RALGPS1: variants seen among roughly 807,000 people sequenced by gnomAD.
RALGPS1 encodes the protein Ral GEF with PH domain and SH3 binding motif 1, also known as ras-specific guanine nucleotide-releasing factor RalGPS1.
RALGPS1 carries 19 observed loss-of-function variants against 78.8 expected under a neutral mutation model. The observed-to-expected ratio is 0.24, with a 90% CI of 0.17 to 0.35. The LOEUF (loss-of-function observed/expected upper bound fraction) is 0.35, where lower values mean the gene tolerates loss of function less well. Ranked by LOEUF, RALGPS1 falls within the 10% of genes least tolerant of loss-of-function variation. RALGPS1 has a pLI of 1.00. For missense variants in RALGPS1, 454 were observed against 688.3 expected (o/e 0.66, Z 3.81); for synonymous variants, 228 against 256.3 (o/e 0.89, Z 1.06).
chr9:127,081,379 G>A (rs1263503010), intron 8 of RALGPS1, among the ~76,000 whole-genome samples: 1 of 152,158 alleles, frequency 6.6e-6, no homozygotes, highest in African/African-American at 2.4e-5. Flanking sequence ...ATCTCCCTGT[G>A]TTCCTACCAC....
chr9:126,919,202 T>C (rs2034500175), intron 1 of RALGPS1, among the ~76,000 whole-genome samples: 1 of 152,180 alleles, frequency 6.6e-6, no homozygotes, highest in Non-Finnish European at 1.5e-5. Context: ...AATGTGTCAG[T>C]TAGTATATAC....
At chr9:127,107,727 T>C (rs1270798182) in intron 8 of RALGPS1, among the ~76,000 whole-genome samples, 1 of 152,172 alleles carries the variant, frequency 6.6e-6, no homozygotes, top group Non-Finnish European at 1.5e-5. Flanking sequence ...ATCTAAGGAA[T>C]GTGGTTCCCC....
At chr9:127,132,265 G>A (rs758779966) in intron 8 of RALGPS1, among the ~76,000 whole-genome samples, 3 of 152,000 alleles carry the variant, frequency 2.0e-5, no homozygotes, top group Non-Finnish European at 4.4e-5. Context: ...AACTTCATTC[G>A]ACTGATTTCA....
intron 11 of RALGPS1, among the ~76,000 whole-genome samples, chr9:127,187,697 C>G (rs976240183): frequency 1.3e-5 from 2 of 152,170 alleles, no homozygotes; most frequent in Admixed American, 6.5e-5. Flanking sequence ...GACTGTAATC[C>G]CTCGCGCATG....
At chr9:127,020,467 T>G (rs2134150996) in intron 4 of RALGPS1, among the ~76,000 whole-genome samples, 1 of 152,318 alleles carries the variant, frequency 6.6e-6, no homozygotes. Context: ...AAGTTAGAGA[T>G]TGCAGAAAAC....
chr9:127,196,533 CAAGGCACCT>C lies in RALGPS1; in HGVS notation c.1099_1107del (p.Arg367_Leu369del). 1 of 1,614,180 alleles carries C rather than the reference CAAGGCACCT, an allele frequency of 6.2e-7. No individual in the cohort carries two copies. The highest frequency in any genetic ancestry group is 8.5e-7 in the Non-Finnish European group (1 of 1,179,984). On this transcript the variant is annotated inframe_deletion, in exon 13 of 19. Coordinates refer to ENST00000259351, the MANE Select transcript of RALGPS1 (RefSeq NM_014636.3). ...AGTGCGACATTCCCATCGGAGAAAGCAAGGCACCTACTGGACGACAGTGTCCTAGAGTCC... is the reference window on the plus strand; with the variant it reads ...AGTGCGACATTCCCATCGGAGAAAGCACTGGACGACAGTGTCCTAGAGTCC...
At chr9:127,210,628 C>G in intron 14 of RALGPS1, 1 of 1,256,442 alleles carries the variant, frequency 8.0e-7, no homozygotes, top group Non-Finnish European at 1.1e-6. Context: ...TCGGGGTGCT[C>G]TTGCCTCCTT....
intron 1 of RALGPS1, among the ~76,000 whole-genome samples, chr9:126,919,094 ATATT>A (rs1161657944): frequency 6.6e-6 from 1 of 152,102 alleles, no homozygotes; most frequent in Non-Finnish European, 1.5e-5. Flanking sequence ...TGTTTATTAT[ATATT>A]CTTTCTCTTA....
intron 4 of RALGPS1, among the ~76,000 whole-genome samples, chr9:127,000,718 T>C (rs564425723): frequency 5.4e-4 from 82 of 151,444 alleles, no homozygotes; most frequent in African/African-American, 1.9e-3. Context: ...CTGGCTAATT[T>C]TTTTTTTGTA....
In RALGPS1 at chr9:127,091,644, C is replaced by T; in HGVS notation, c.610+22288C>T. On this transcript the variant is annotated intron_variant, in intron 8 of 18. Coordinates refer to ENST00000259351, the MANE Select transcript of RALGPS1 (RefSeq NM_014636.3). This position sits in a 1 kb window ranked among gnomAD's most constrained non-coding sequence, Gnocchi z 4.3. ...GTTGACCTCTTTTCCCTACCCTGCA[C>T]CTGGGTTTGACTCCACTTTTCCTAC... is the stretch of plus-strand genomic sequence containing the variant. 2 of 1,605,514 alleles carry T rather than the reference C, an allele frequency of 1.2e-6. No homozygotes were observed. The highest frequency in any genetic ancestry group is 1.7e-6 in the Non-Finnish European group (2 of 1,174,556).
chr9:127,050,704 G>A (rs1030316938), intron 6 of RALGPS1, among the ~76,000 whole-genome samples: 4 of 151,844 alleles, frequency 2.6e-5, no homozygotes, highest in Non-Finnish European at 4.4e-5. Context: ...CTTATCTCTA[G>A]GAATGCTATG....
At chr9:127,123,239 C>T (rs145851750) in intron 8 of RALGPS1, among the ~76,000 whole-genome samples, 11 of 152,320 alleles carry the variant, frequency 7.2e-5, no homozygotes, top group African/African-American at 1.7e-4. Context: ...CGGAGCTGCT[C>T]GAAGTTAGCA....
chr9:127,143,486 C>T (rs899641167), intron 8 of RALGPS1, among the ~76,000 whole-genome samples: 15 of 152,164 alleles, frequency 9.9e-5, no homozygotes, highest in African/African-American at 1.4e-4. Flanking sequence ...TCCATAGCCC[C>T]GTGCTGTGGT....
intron 11 of RALGPS1, 56 bp downstream of exon 11, chr9:127,174,838 C>T (rs1588333702): frequency 2.6e-6 from 4 of 1,529,066 alleles, no homozygotes; most frequent in South Asian, 2.2e-5. Flanking sequence ...ATTGTGGCTG[C>T]CAGAGTTGGC....
At chr9:127,094,897 G>A (rs541913507) in intron 8 of RALGPS1, among the ~76,000 whole-genome samples, 2 of 152,188 alleles carry the variant, frequency 1.3e-5, no homozygotes, top group South Asian at 4.1e-4. Flanking sequence ...CCCCACCCCT[G>A]CCCATCAACT....
intron 5 of RALGPS1, among the ~76,000 whole-genome samples, chr9:127,036,251 A>C (rs1357024753): frequency 6.6e-6 from 1 of 152,258 alleles, no homozygotes; most frequent in Non-Finnish European, 1.5e-5. Context: ...TAGCCCTGGT[A>C]GCTCTGGTTT....
intron 1 of RALGPS1, among the ~76,000 whole-genome samples, chr9:126,936,968 A>G (rs1401751422): frequency 1.3e-5 from 2 of 151,390 alleles, no homozygotes; most frequent in African/African-American, 4.9e-5. Context: ...CTCCTGCCTT[A>G]GCCTCCCGAG....
chr9:126,999,390 A>G (rs1386010352), intron 4 of RALGPS1, among the ~76,000 whole-genome samples: 1 of 152,202 alleles, frequency 6.6e-6, no homozygotes. Context: ...GCATTCTATC[A>G]GTTTGACAAA....
chr9:127,108,826 C>T, intron 8 of RALGPS1: 1 of 1,312,768 alleles, frequency 7.6e-7, no homozygotes, highest in South Asian at 1.5e-5. Context: ...CCACCACTGT[C>T]AGTGCCCTGT....
Sources: gnomAD v4.1 joint callset for allele counts (sites outside exome capture counted in the v4.1 genomes callset) on GRCh38, gnomAD v4.1.1 for gene constraint, Gnocchi (gnomAD v3.1) non-coding constraint, MANE v1.5 for transcripts, NCBI Gene and HGNC (gene_info 2026-07-23, HGNC 2026-07-21) for gene names.